FAM98B: variants seen among roughly 807,000 people sequenced by gnomAD.
FAM98B encodes tRNA splicing ligase complex subunit 3B, also known as tRNA-splicing ligase complex subunit FAM98B.
A neutral mutation model predicts 43.9 loss-of-function variants in FAM98B; 32 were observed. The ratio of observed to expected loss-of-function variants is 0.73; its 90% CI spans 0.55 to 0.98. FAM98B has a LOEUF of 0.98. FAM98B is among the 50% of genes least tolerant of loss of function. FAM98B has a pLI of 0.00. For synonymous variants in FAM98B, 190 were observed against 174.0 expected (o/e 1.09, Z -0.72); for missense variants, 514 against 522.9 (o/e 0.98, Z 0.17).
At chr15:38,457,338 A>T (rs1889864442) in intron 1 of FAM98B, among the ~76,000 whole-genome samples, 1 of 152,184 alleles carries the variant, frequency 6.6e-6, no homozygotes, top group Non-Finnish European at 1.5e-5. Context: ...TTCAGTTGGT[A>T]TTTATTGAGC....
intron 1 of FAM98B, among the ~76,000 whole-genome samples, chr15:38,458,570 T>C (rs977093880): frequency 2.0e-5 from 3 of 152,166 alleles, no homozygotes; most frequent in Non-Finnish European, 4.4e-5. Context: ...TGGGTATTGT[T>C]GGTCTGGCAT....
At position 38,473,518 on chromosome 15, in the gene FAM98B, T is replaced by G. The variant is rs1890155101; in HGVS notation, c.545T>G (p.Leu182Arg). 6.2e-7 allele frequency: 1 copy of G among 1,606,126 alleles called. No individual in the cohort carries two copies. Among genetic ancestry groups the G allele is most frequent in the African/African-American group, 1.3e-5 (1 of 74,606 alleles). Residue 182 changes from leucine to arginine, a missense_variant, in exon 5 of 8, where the codon CTC becomes CGC. This residue lies in a region of FAM98B where 469 missense variants were observed against 451.8 expected (regional missense o/e 1.04). Coordinates refer to ENST00000397609, the MANE Select transcript of FAM98B (RefSeq NM_173611.4). ...ATTTACTTTTAGGTGAAAGATATTC[T>G]CTCAAAGGTCCAGAAAAATCATGTG... ...NQVESKVKDI[L>R]SKVQKNHVGK...
In FAM98B at chr15:38,481,435, G is replaced by A; in HGVS notation, c.873G>A (p.Glu291=). The A allele has an allele frequency of 6.2e-7, 1 of 1,614,178 alleles. No homozygotes were observed. The highest frequency in any genetic ancestry group is 1.7e-5 in the Admixed American group (1 of 60,022). The change falls in exon 7 of 8, where the codon GAG becomes GAA. Residue 291 remains glutamate, a synonymous_variant. Coordinates refer to ENST00000397609, the MANE Select transcript of FAM98B (RefSeq NM_173611.4). ...GGACAAGTAGTGGCACCAGCCGGGA[G>A]AAGACCGCATGTGCCATTAATAAGG... The part of the protein sequence containing the change: ...IIRTSSGTSR[E]KTACAINKVL...
intron 4 of FAM98B, among the ~76,000 whole-genome samples, chr15:38,471,939 C>A (rs1890136133): frequency 6.6e-6 from 1 of 152,256 alleles, no homozygotes; most frequent in African/African-American, 2.4e-5. Flanking sequence ...TGTAATAACT[C>A]AGTTCTCGCA....
At chr15:38,469,151 CT>C (rs1195596090) in intron 3 of FAM98B, among the ~76,000 whole-genome samples, 2 of 152,116 alleles carry the variant, frequency 1.3e-5, no homozygotes, top group Non-Finnish European at 2.9e-5. Context: ...GGTAATCTGC[CT>C]GCTTCAGCTT....
intron 3 of FAM98B, among the ~76,000 whole-genome samples, chr15:38,469,262 A>G (rs1018923326): frequency 1.3e-5 from 2 of 152,276 alleles, no homozygotes; most frequent in Non-Finnish European, 2.9e-5. Context: ...GACTATAATC[A>G]TTTAAGATTT....
Position 38,470,356 on chromosome 15 carries a change from A to C in FAM98B, c.482A>C (p.Lys161Thr). 6.2e-7 allele frequency: 1 copy of C among 1,604,614 alleles called. No homozygotes were observed. Among genetic ancestry groups the C allele is most frequent in the Non-Finnish European group, 8.5e-7 (1 of 1,177,612 alleles). ...ATGTTTGATACACTTGGTATACCCA[A>C]GTCAACAACTTCTGACATTCCGCAT... ...QAMFDTLGIPKSTTSDIPHML... is the reference protein window; with the variant it reads ...QAMFDTLGIPTSTTSDIPHML... The change falls in exon 4 of 8, where the codon AAG (lysine) becomes ACG (threonine). Residue 161 changes from lysine (K) to threonine (T), a missense_variant. Around this residue, in one of 2 missense-constraint regions of FAM98B, gnomAD observed 469 missense variants for 451.8 expected, o/e 1.04. Coordinates refer to ENST00000397609, the MANE Select transcript of FAM98B (RefSeq NM_173611.4).
At chr15:38,473,421 G>A (rs999269455) in intron 4 of FAM98B, 84 bp from the exon 5 acceptor site, 12 of 936,556 alleles carry the variant, frequency 1.3e-5, no homozygotes, top group Non-Finnish European at 1.8e-5. Context: ...ATTCTGTAGT[G>A]TTCAGAGCGA....
intron 2 of FAM98B, among the ~76,000 whole-genome samples, 181 bp from the exon 3 acceptor site, chr15:38,465,088 T>C (rs1046478879): frequency 3.3e-5 from 5 of 152,262 alleles, no homozygotes; most frequent in African/African-American, 1.2e-4. Flanking sequence ...AATTAATAAT[T>C]ATAGCCATAA....
At chr15:38,463,667 G>T (rs565603036) in intron 1 of FAM98B, among the ~76,000 whole-genome samples, 265 of 151,530 alleles carry the variant, frequency 1.7e-3, no homozygotes, top group Middle Eastern at 3.4e-3. Flanking sequence ...TTAATATAAG[G>T]CTATTAGACT....
At chr15:38,479,499 A>G (rs946692379) in intron 6 of FAM98B, among the ~76,000 whole-genome samples, 3 of 152,292 alleles carry the variant, frequency 2.0e-5, no homozygotes, top group South Asian at 4.1e-4. Context: ...GAATCATACA[A>G]TATGTGGCTT....
intron 1 of FAM98B, among the ~76,000 whole-genome samples, chr15:38,456,090 G>A (rs992447525): frequency 6.6e-6 from 1 of 152,186 alleles, no homozygotes; most frequent in Non-Finnish European, 1.5e-5. Context: ...ACTTCAGTTT[G>A]TCATGTAAAA....
chr15:38,469,942 TA>T (rs1484946269), intron 3 of FAM98B, among the ~76,000 whole-genome samples: 1 of 152,196 alleles, frequency 6.6e-6, no homozygotes, highest in Admixed American at 6.5e-5. Flanking sequence ...ATCAACCATT[TA>T]AAGTGGCATT....
In FAM98B at chr15:38,470,379, C is replaced by T. The variant is rs775090919; in HGVS notation, c.505C>T (p.His169Tyr). 11 of 1,600,336 alleles carry T rather than the reference C, an allele frequency of 6.9e-6. No homozygotes were observed. Among genetic ancestry groups the T allele is most frequent in the Non-Finnish European group, 9.4e-6 (11 of 1,176,404 alleles). ...CAAGTCAACAACTTCTGACATTCCG[C>T]ATATGCTAAACCAAGTGGAATCAAA... ...IPKSTTSDIP[H>Y]MLNQVESKVK... The change falls in exon 4 of 8, where the codon CAT (histidine) becomes TAT (tyrosine). Residue 169 changes from histidine (H) to tyrosine (Y), a missense_variant. Physicochemically the swap from His to Tyr is moderately conservative, Grantham distance 83 (BLOSUM62 2). Around this residue, in one of 2 missense-constraint regions of FAM98B, gnomAD observed 469 missense variants for 451.8 expected, o/e 1.04. Coordinates refer to ENST00000397609, the MANE Select transcript of FAM98B (RefSeq NM_173611.4).
chr15:38,458,777 T>C, intron 1 of FAM98B: 1 of 395,778 alleles, frequency 2.5e-6, no homozygotes, highest in Admixed American at 2.9e-5. Context: ...TACCCAAGGC[T>C]GGTATAGATG....
chr15:38,480,011 G>A (rs191101579), intron 6 of FAM98B, among the ~76,000 whole-genome samples: 241 of 151,716 alleles, frequency 1.6e-3, no homozygotes, highest in African/African-American at 5.3e-3. Context: ...TTTATGTCTT[G>A]TCATTTTTTT....
intron 1 of FAM98B, among the ~76,000 whole-genome samples, chr15:38,462,891 T>A (rs998527671): frequency 5.9e-5 from 9 of 151,392 alleles, no homozygotes; most frequent in African/African-American, 1.7e-4. Context: ...CAGGAAGATG[T>A]TGTTGTAGAA....
intron 1 of FAM98B, among the ~76,000 whole-genome samples, chr15:38,460,498 T>C (rs182386603): frequency 2.7e-3 from 416 of 151,672 alleles, no homozygotes; most frequent in African/African-American, 9.7e-3. Context: ...ACCTGGGGAG[T>C]AGAAATGCAG....
In FAM98B at chr15:38,465,300, G is replaced by T. The variant is rs774412398; in HGVS notation, c.249G>T (p.Glu83Asp). ...ATGATCTAGAGAGCTTCCAGCTTGA[G>T]ATAAGTGGCTTTTTAAAAGAAATGG... The part of the protein sequence containing the change: ...GRDDLESFQL[E>D]ISGFLKEMAC... The change falls in exon 3 of 8, where the codon GAG becomes GAT. Residue 83 changes from glutamate (E) to aspartate (D), a missense_variant. Around this residue, in one of 2 missense-constraint regions of FAM98B, gnomAD observed 469 missense variants for 451.8 expected, o/e 1.04. Coordinates refer to ENST00000397609, the MANE Select transcript of FAM98B (RefSeq NM_173611.4). 11 of 1,610,784 alleles carry T rather than the reference G, an allele frequency of 6.8e-6. No homozygotes were observed. In the South Asian group the frequency reaches 1.2e-4, roughly 18 times the overall value.
Sources: gnomAD v4.1 joint callset for allele counts (sites outside exome capture counted in the v4.1 genomes callset) on GRCh38, gnomAD v4.1.1 for gene constraint, gnomAD v4.1.1 regional missense constraint, MANE v1.5 for transcripts, NCBI Gene and HGNC (gene_info 2026-07-23, HGNC 2026-07-21) for gene names.